RAB11FIP5: variants seen among roughly 807,000 people sequenced by gnomAD.
RAB11FIP5 encodes rab11 family-interacting protein 5.
Under a neutral mutation model 85.1 loss-of-function variants are expected in RAB11FIP5, and 48 were observed. The ratio of observed to expected loss-of-function variants is 0.56; its 90% CI spans 0.45 to 0.72. The LOEUF is 0.72. Ranked by LOEUF, RAB11FIP5 falls within the 30% of genes least tolerant of loss-of-function variation. RAB11FIP5 has a pLI of 0.00. For synonymous variants in RAB11FIP5, 729 were observed against 727.3 expected (o/e 1.00, Z -0.04); for missense variants, 1,491 against 1,687.0 (o/e 0.88, Z 2.04).
chr2:73,085,323 C>G (rs1388978472), intron 3 of RAB11FIP5, among the ~76,000 whole-genome samples: 1 of 152,210 alleles, frequency 6.6e-6, no homozygotes, highest in Non-Finnish European at 1.5e-5. Context: ...TTATTCCCAA[C>G]TTTAAAAGTT....
At chr2:73,091,202 A>G (rs1684202226) in intron 1 of RAB11FIP5, among the ~76,000 whole-genome samples, 1 of 152,224 alleles carries the variant, frequency 6.6e-6, no homozygotes, top group Admixed American at 6.5e-5. Context: ...AGACAGACAC[A>G]TGCCAACAGA....
chr2:73,089,527 C>A lies in RAB11FIP5; in HGVS notation c.432-212G>T, dbSNP rs1168782600. On this transcript the variant is annotated intron_variant, in intron 1 of 5. Coordinates refer to ENST00000486777, the MANE Select transcript of RAB11FIP5 (RefSeq NM_001371272.1). This position sits in a 1 kb window ranked among gnomAD's most constrained non-coding sequence, Gnocchi z 4.6. ...AACATTTCCATGATGGAGAAAACCACATCCTGAGTGGGGAAGCTCCTCGGG... is the reference window on the plus strand; with the variant it reads ...AACATTTCCATGATGGAGAAAACCAAATCCTGAGTGGGGAAGCTCCTCGGG... The A allele has an allele frequency of 1.5e-6, 1 of 652,640 alleles. No homozygotes were observed. 40.4% of individuals were successfully genotyped at this position (652,640 alleles called of 1,614,324 possible).
At chr2:73,109,296 C>G (rs1202075691) in intron 1 of RAB11FIP5, among the ~76,000 whole-genome samples, 1 of 152,296 alleles carries the variant, frequency 6.6e-6, no homozygotes, top group African/African-American at 2.4e-5. Context: ...TCGGAGGCTG[C>G]TGAAGCACCT....
rs1401701517 is a variant in RAB11FIP5, at chr2:73,086,993, C to A, written c.1568+1057G>T. 6.6e-6 allele frequency among the ~76,000 whole-genome samples: 1 copy of A among 152,212 alleles called. No individual in the cohort carries two copies. The highest frequency in any genetic ancestry group is 1.5e-5 in the Non-Finnish European group (1 of 68,038). On this transcript the variant is annotated intron_variant, in intron 3 of 5. Transcript: ENST00000486777. This position sits in a 1 kb window ranked among gnomAD's most constrained non-coding sequence, Gnocchi z 4.4. ...CAGAGTGCCACAGGGAAACAAAAAGCCAGGACTACAAGATTCCTCTCCCCT... is the reference window on the plus strand; with the variant it reads ...CAGAGTGCCACAGGGAAACAAAAAGACAGGACTACAAGATTCCTCTCCCCT...
intron 1 of RAB11FIP5, among the ~76,000 whole-genome samples, chr2:73,108,399 G>C (rs1263957317): frequency 6.6e-6 from 1 of 152,142 alleles, no homozygotes; most frequent in Non-Finnish European, 1.5e-5. Context: ...TGAGGGAGAA[G>C]GTGGACAGGG....
rs758562737 is a variant in RAB11FIP5 at position 73,089,264 on chromosome 2, C to A, written c.483G>T (p.Glu161Asp). 3.1e-6 allele frequency: 5 copies of A among 1,614,058 alleles called. No individual in the cohort carries two copies. Among genetic ancestry groups the A allele is most frequent in the Non-Finnish European group, 4.2e-6 (5 of 1,180,040 alleles). The change falls in exon 2 of 6, where the codon GAG becomes GAT. Residue 161 changes from glutamate (E) to aspartate (D), a missense_variant. Glu to Asp is a conservative substitution (Grantham distance 45). This residue lies in a region of RAB11FIP5 where 1,211 missense variants were observed against 1,338.0 expected (regional missense o/e 0.91). Coordinates refer to ENST00000486777, the MANE Select transcript of RAB11FIP5 (RefSeq NM_001371272.1). The surrounding 1 kb of genome is among the most constrained non-coding windows in gnomAD (Gnocchi z 4.6). ...KPGKKEKERGEIEVTIQFTRN... is the reference protein window; with the variant it reads ...KPGKKEKERGDIEVTIQFTRN... ...GCGTGAACTGGATGGTGACTTCAAT[C>A]TCGCCGCGTTCCTTCTCCTTCTTGC...
chr2:73,105,736 A>C (rs1684513028), intron 1 of RAB11FIP5, among the ~76,000 whole-genome samples: 1 of 152,012 alleles, frequency 6.6e-6, no homozygotes, highest in Non-Finnish European at 1.5e-5. Flanking sequence ...GATCCATGTC[A>C]AGGAGAAGAG....
intron 1 of RAB11FIP5, among the ~76,000 whole-genome samples, chr2:73,094,026 C>T (rs1176684305): frequency 6.7e-6 from 1 of 149,000 alleles, no homozygotes; most frequent in African/African-American, 2.5e-5. Context: ...GAAGCTGAGG[C>T]ATGAGAATCA....
intron 4 of RAB11FIP5, among the ~76,000 whole-genome samples, chr2:73,076,842 C>G (rs1574291923): frequency 6.6e-6 from 1 of 152,318 alleles, no homozygotes; most frequent in East Asian, 1.9e-4. Flanking sequence ...CTTTCATTGA[C>G]TCCTTAACCC....
chr2:73,080,455 C>G lies in RAB11FIP5; in HGVS notation c.2777G>C (p.Ser926Thr). The change falls in exon 4 of 6, where the codon AGT becomes ACT. Residue 926 changes from serine (S) to threonine (T), a missense_variant. By Grantham distance (58) the Ser-to-Thr change is moderately conservative. This residue lies in a region of RAB11FIP5 where 1,211 missense variants were observed against 1,338.0 expected (regional missense o/e 0.91). Transcript: ENST00000486777. ...TCCCTCTGTCTCCGGCCCCCTGTTA[C>G]TCAGCCCCACTGCGGCCTTCTCCTC... ...EEEEKAAVGLSNRGPETEGED... is the reference protein window; with the variant it reads ...EEEEKAAVGLTNRGPETEGED... The G allele has an allele frequency of 8.1e-7, 1 of 1,233,756 alleles. No individual in the cohort carries two copies. The highest frequency in any genetic ancestry group is 1.0e-6 in the Non-Finnish European group (1 of 988,872). The allele number at this position is 1,233,756 out of a possible 1,614,324, so 76.4% of individuals were successfully genotyped here.
chr2:73,091,214 A>G lies in RAB11FIP5; in HGVS notation c.432-1899T>C, dbSNP rs139092844. Among the ~76,000 whole-genome samples the G allele has an allele frequency of 1.0e-3, 157 of 152,336 alleles. 1 individual carries two copies. Among genetic ancestry groups the G allele is most frequent in the Non-Finnish European group, 1.3e-3 (88 of 68,036 alleles). On this transcript the variant is annotated intron_variant, in intron 1 of 5. Transcript: ENST00000486777. ...CTAAGACAGACACATGCCAACAGATATGACTATGAGGCTTAGAACACCAGG... is the reference window on the plus strand; with the variant it reads ...CTAAGACAGACACATGCCAACAGATGTGACTATGAGGCTTAGAACACCAGG...
At chr2:73,112,281 G>A in intron 1 of RAB11FIP5, 66 bp downstream of exon 1, 1 of 1,409,228 alleles carries the variant, frequency 7.1e-7, no homozygotes, top group Admixed American at 3.1e-5. Flanking sequence ...TCGGGGTCCT[G>A]ATCCCCCACC....
At chr2:73,097,039 T>A (rs1684332287) in intron 1 of RAB11FIP5, among the ~76,000 whole-genome samples, 1 of 138,914 alleles carries the variant, frequency 7.2e-6, no homozygotes, top group African/African-American at 3.0e-5. Context: ...ACCCTCTTTA[T>A]GTTTTTATTT....
intron 1 of RAB11FIP5, among the ~76,000 whole-genome samples, chr2:73,111,370 C>G (rs762115794): frequency 1.3e-5 from 2 of 152,142 alleles, no homozygotes; most frequent in Non-Finnish European, 2.9e-5. Flanking sequence ...CTCTCCTGAC[C>G]TAAGGCACAG....
intron 1 of RAB11FIP5, among the ~76,000 whole-genome samples, chr2:73,109,051 GA>G (rs1194943199): frequency 7.3e-4 from 106 of 144,376 alleles, no homozygotes; most frequent in African/African-American, 2.5e-3. Flanking sequence ...TCTCAAAAAA[GA>G]AAAAAAAAAG....
chr2:73,098,603 G>A (rs1194593216), intron 1 of RAB11FIP5, among the ~76,000 whole-genome samples: 2 of 152,066 alleles, frequency 1.3e-5, no homozygotes, highest in Non-Finnish European at 2.9e-5. Flanking sequence ...TGCCTCCAGA[G>A]CCCCCGACCT....
At chr2:73,106,161 T>C (rs992098060) in intron 1 of RAB11FIP5, among the ~76,000 whole-genome samples, 3 of 152,196 alleles carry the variant, frequency 2.0e-5, no homozygotes, top group Non-Finnish European at 4.4e-5. Flanking sequence ...TGTGGACAAA[T>C]GGAAGTCCAG....
At position 73,078,152 on chromosome 2, in the gene RAB11FIP5, G is replaced by A. The variant is rs114851089; in HGVS notation, c.3581+1499C>T. 9.5e-3 allele frequency among the ~76,000 whole-genome samples: 1,446 copies of A among 152,342 alleles called. 16 individuals are homozygous for A. Among genetic ancestry groups the A allele is most frequent in the African/African-American group, 0.033 (1,355 of 41,564 alleles). On this transcript the variant is annotated intron_variant, in intron 4 of 5. Coordinates refer to ENST00000486777, the MANE Select transcript of RAB11FIP5 (RefSeq NM_001371272.1). This position sits in a 1 kb window ranked among gnomAD's most constrained non-coding sequence, Gnocchi z 4.4. ...TGCGGGCTGTGCCAGGGAAGGGGAG[G>A]ATGACCAGTGTAGTATAAAAGTGCC...
chr2:73,092,828 G>A (rs1446909931), intron 1 of RAB11FIP5, among the ~76,000 whole-genome samples: 4 of 152,134 alleles, frequency 2.6e-5, no homozygotes, highest in South Asian at 2.1e-4. Flanking sequence ...GCCATCACTC[G>A]TCCACCTCCC....
Sources: gnomAD v4.1 joint callset for allele counts (sites outside exome capture counted in the v4.1 genomes callset) on GRCh38, gnomAD v4.1.1 for gene constraint, gnomAD v4.1.1 regional missense constraint, Gnocchi (gnomAD v3.1) non-coding constraint, MANE v1.5 for transcripts, NCBI Gene and HGNC (gene_info 2026-07-23, HGNC 2026-07-21) for gene names.